The following THEMIS variants were observed in gnomAD, a reference collection of about 807,000 sequenced individuals.
THEMIS encodes the protein protein THEMIS.
Under a neutral mutation model 52.6 loss-of-function variants are expected in THEMIS, and 37 were observed. The ratio of observed to expected loss-of-function variants is 0.70; its 90% CI spans 0.54 to 0.93. The LOEUF is 0.93. THEMIS is among the 40% of genes least tolerant of loss of function. The probability of loss-of-function intolerance (pLI) is 0.00; values close to 1 mark genes in which losing one functional copy is unlikely to be tolerated. For synonymous variants in THEMIS, 292 were observed against 272.7 expected, an observed-to-expected ratio of 1.07 and a Z score of -0.70; for missense variants, 808 against 763.1, an observed-to-expected ratio of 1.06 and a Z score of -0.69.
intron 3 of THEMIS, among the ~76,000 whole-genome samples, chr6:127,815,522 A>C (rs1562276594): frequency 6.6e-6 from 1 of 152,182 alleles, no homozygotes; most frequent in Non-Finnish European, 1.5e-5. Context: ...TTCTTGTAAA[A>C]AAAATAAAAA....
intron 1 of THEMIS, among the ~76,000 whole-genome samples, chr6:127,885,985 G>C (rs761373318): frequency 8.6e-5 from 13 of 152,042 alleles, no homozygotes; most frequent in Non-Finnish European, 1.6e-4. Context: ...ACATTGCAAT[G>C]TCCAAAAGAG....
intron 1 of THEMIS, among the ~76,000 whole-genome samples, chr6:127,915,645 T>G (rs1017386048): frequency 6.6e-6 from 1 of 150,460 alleles, no homozygotes. Flanking sequence ...AAACCTTTAA[T>G]ACCAATTGTG....
intron 4 of THEMIS, among the ~76,000 whole-genome samples, chr6:127,721,757 T>C (rs2114490870): frequency 6.6e-6 from 1 of 152,156 alleles, no homozygotes; most frequent in South Asian, 2.1e-4. Flanking sequence ...ACTTTCCTGA[T>C]TCTGAATTAC....
chr6:127,706,814 CA>C (rs1773812982), downstream of THEMIS, among the ~76,000 whole-genome samples: 1 of 151,838 alleles, frequency 6.6e-6, no homozygotes, highest in South Asian at 2.1e-4. Flanking sequence ...GAGAGGAGAG[CA>C]AAAAGTGTTC....
chr6:127,780,803 AC>A (rs901841383), intron 4 of THEMIS, among the ~76,000 whole-genome samples: 8 of 152,046 alleles, frequency 5.3e-5, no homozygotes, highest in African/African-American at 1.7e-4. Flanking sequence ...GGGTAACCCA[AC>A]CTTTCTGGTT....
chr6:127,867,154 A>G (rs1394768348), intron 1 of THEMIS, among the ~76,000 whole-genome samples: 1 of 152,038 alleles, frequency 6.6e-6, no homozygotes, highest in East Asian at 1.9e-4. Context: ...CTTTGAGACA[A>G]TTGATTTGAA....
Position 127,913,346 on chromosome 6 carries a change from T to C in THEMIS, c.-150+5082A>G, listed in dbSNP as rs774923527. 3.9e-5 allele frequency among the ~76,000 whole-genome samples: 6 copies of C among 152,222 alleles called. No individual in the cohort carries two copies. In the South Asian group the frequency reaches 8.3e-4, roughly 21 times the overall value. On this transcript the variant is annotated intron_variant, in intron 1 of 6. Transcript: ENST00000368250. ...CCATTCGCTGAATATTTTTTATGTG[T>C]CCATTTGCATGCTTTTTCCTTTGTT...
chr6:127,902,035 T>A (rs1179787139), upstream of THEMIS, among the ~76,000 whole-genome samples: 1 of 151,912 alleles, frequency 6.6e-6, no homozygotes, highest in Non-Finnish European at 1.5e-5. Flanking sequence ...TAGAAGAATA[T>A]TGGTTGAGGC....
At chr6:127,775,735 T>C (rs1352223685) in intron 4 of THEMIS, among the ~76,000 whole-genome samples, 1 of 152,202 alleles carries the variant, frequency 6.6e-6, no homozygotes, top group Non-Finnish European at 1.5e-5. Flanking sequence ...GATACAGTAT[T>C]TACTCTTTAA....
intron 1 of THEMIS, among the ~76,000 whole-genome samples, chr6:127,868,188 C>T (rs1473935591): frequency 6.6e-6 from 1 of 152,092 alleles, no homozygotes; most frequent in African/African-American, 2.4e-5. Flanking sequence ...CATAGCCCCG[C>T]CCCTGGCATC....
chr6:127,753,347 C>T (rs1583234460), intron 4 of THEMIS, among the ~76,000 whole-genome samples: 1 of 151,982 alleles, frequency 6.6e-6, no homozygotes. Flanking sequence ...AAATCAATCT[C>T]ATTTCTATAC....
At chr6:127,726,267 C>T (rs894826607) in intron 4 of THEMIS, among the ~76,000 whole-genome samples, 1 of 152,068 alleles carries the variant, frequency 6.6e-6, no homozygotes, top group Non-Finnish European at 1.5e-5. Flanking sequence ...CAGACAGTAG[C>T]CCTATGGAAA....
At chr6:127,714,779 C>G (rs1774100678) in intron 5 of THEMIS, among the ~76,000 whole-genome samples, 2 of 151,838 alleles carry the variant, frequency 1.3e-5, no homozygotes, top group African/African-American at 4.8e-5. Context: ...TATTTCTGTT[C>G]AACCATAGAT....
chr6:127,803,291 C>T (rs1374685129), intron 4 of THEMIS, among the ~76,000 whole-genome samples: 4 of 152,102 alleles, frequency 2.6e-5, no homozygotes, highest in African/African-American at 7.2e-5. Flanking sequence ...TTATCATAAT[C>T]CAGTTTTAGA....
intron 4 of THEMIS, among the ~76,000 whole-genome samples, chr6:127,804,014 T>A (rs1362199215): frequency 6.6e-6 from 1 of 152,176 alleles, no homozygotes; most frequent in African/African-American, 2.4e-5. Context: ...CCTTTATGAA[T>A]CCATATACAT....
At chr6:127,827,922 C>T (rs1344673701) in intron 3 of THEMIS, among the ~76,000 whole-genome samples, 1 of 152,144 alleles carries the variant, frequency 6.6e-6, no homozygotes, top group African/African-American at 2.4e-5. Context: ...ATTCCACTCC[C>T]CATTGCATGT....
intron 4 of THEMIS, among the ~76,000 whole-genome samples, chr6:127,790,709 G>A (rs114175111): frequency 1.4e-3 from 217 of 152,302 alleles, no homozygotes; most frequent in Middle Eastern, 6.8e-3. Flanking sequence ...CTCAGCTTGC[G>A]TGACAAACCT....
At chr6:127,859,285 T>G (rs572720186) in intron 1 of THEMIS, among the ~76,000 whole-genome samples, 15 of 152,224 alleles carry the variant, frequency 9.9e-5, no homozygotes, top group Non-Finnish European at 1.5e-5. Flanking sequence ...CTTCAAAGCC[T>G]TCCTTGATCC....
intron 1 of THEMIS, among the ~76,000 whole-genome samples, chr6:127,898,910 TA>T (rs996354237): frequency 2.0e-5 from 3 of 151,768 alleles, no homozygotes; most frequent in East Asian, 1.9e-4. Flanking sequence ...TTGTGGGAGC[TA>T]AAAAAATTGA....
Sources: gnomAD v4.1 joint callset for allele counts (sites outside exome capture counted in the v4.1 genomes callset) on GRCh38, gnomAD v4.1.1 for gene constraint, MANE v1.5 for transcripts, NCBI Gene and HGNC (gene_info 2026-07-23, HGNC 2026-07-21) for gene names.